The following PHKA1 variants were observed in gnomAD, a reference collection of about 807,000 sequenced individuals.
PHKA1 encodes phosphorylase kinase regulatory subunit alpha 1.
Under a neutral mutation model 110.2 loss-of-function variants are expected in PHKA1, and 60 were observed. The ratio of observed to expected loss-of-function variants is 0.54; its 90% CI spans 0.44 to 0.68. The LOEUF (loss-of-function observed/expected upper bound fraction) is 0.68, where lower values mean the gene tolerates loss of function less well. Among genes scored for constraint, PHKA1 ranks in the 30% least tolerant of loss-of-function variants. The probability of loss-of-function intolerance (pLI) is 0.00; values close to 1 mark genes in which losing one functional copy is unlikely to be tolerated. For missense variants in PHKA1, 801 were observed against 942.5 expected (o/e 0.85, Z 1.97); for synonymous variants, 316 against 333.6 (o/e 0.95, Z 0.58).
chrX:72,712,381 T>C, intron 2 of PHKA1: 1 of 195,421 alleles, frequency 5.1e-6, no homozygotes, highest in Non-Finnish European at 9.4e-6. Context: ...TTTACCCTCA[T>C]ACAAACACCA....
intron 8 of PHKA1, 114 bp from the exon 9 acceptor site, chrX:72,657,755 G>T (rs782768678): frequency 5.2e-6 from 3 of 575,143 alleles, no homozygotes; most frequent in Non-Finnish European, 8.5e-6. Context: ...ACCGATAAAG[G>T]CATAATGCTT....
Position 72,644,461 on chromosome X carries a change from T to A in PHKA1, c.1360A>T (p.Ile454Phe). 2 of 1,209,153 alleles carry A rather than the reference T, an allele frequency of 1.7e-6. No individual in the cohort carries two copies. Among genetic ancestry groups the A allele is most frequent in the Non-Finnish European group, 2.2e-6 (2 of 893,633 alleles). The stretch of plus-strand genomic sequence containing the variant: ...ACGTAAATTCCCTTGTCCTTCAAAA[T>A]GGTCTTGATTTCTTCTGTTTCAGCT... ...ILAETEEIKT[I>F]LKDKGIYVET... The change falls in exon 14 of 32, where the codon ATT becomes TTT. Residue 454 changes from isoleucine to phenylalanine, a missense_variant. Around this residue, in one of 2 missense-constraint regions of PHKA1, gnomAD observed 299 missense variants for 423.3 expected, o/e 0.71. Coordinates refer to ENST00000373542, the MANE Select transcript of PHKA1 (RefSeq NM_002637.4).
chrX:72,603,583 A>G (rs1043240048), intron 25 of PHKA1, among the ~76,000 whole-genome samples: 2 of 111,871 alleles, frequency 1.8e-5, no homozygotes, highest in African/African-American at 3.3e-5. Context: ...CAGATAAACT[A>G]AAATAATTAA....
At chrX:72,641,954 T>C (rs183280686) in intron 14 of PHKA1, among the ~76,000 whole-genome samples, 1 of 111,918 alleles carries the variant, frequency 8.9e-6, no homozygotes, top group African/African-American at 3.2e-5. Context: ...TGTACTGTGA[T>C]TATTTAGTTG....
At chrX:72,632,926 G>A (rs4545225) in intron 16 of PHKA1, among the ~76,000 whole-genome samples, 6,084 of 111,604 alleles carry the variant, frequency 0.055, 408 homozygotes, top group African/African-American at 0.19. Flanking sequence ...AGTTATTATT[G>A]CTATTGTTAT....
chrX:72,590,345 A>G (rs1219282946), intron 29 of PHKA1, among the ~76,000 whole-genome samples: 2 of 111,971 alleles, frequency 1.8e-5, no homozygotes, highest in African/African-American at 6.5e-5. Context: ...TATTTAATAA[A>G]TGGTGCTGGG....
intron 11 of PHKA1, 130 bp from the exon 12 acceptor site, chrX:72,652,781 A>G (rs1026366455): frequency 3.9e-6 from 2 of 514,649 alleles, no homozygotes; most frequent in Non-Finnish European, 6.9e-6. Flanking sequence ...AAAGTGAAGC[A>G]CTATCACTAT....
chrX:72,651,543 T>C (rs1187944902), intron 12 of PHKA1, among the ~76,000 whole-genome samples: 2 of 109,036 alleles, frequency 1.8e-5, no homozygotes, highest in Non-Finnish European at 3.8e-5. Context: ...TCTCAAAAAG[T>C]AAAATAAAAT....
chrX:72,704,752 G>A lies in PHKA1; in HGVS notation c.285+446C>T, dbSNP rs781904064. Reference sequence around the variant, plus strand: ...ACTACAGGAACACACAACCATGCGCGGCTAATTTTTATATTTTTTGTAGAG... The same window carrying A: ...ACTACAGGAACACACAACCATGCGCAGCTAATTTTTATATTTTTTGTAGAG... On this transcript the variant is annotated intron_variant, in intron 3 of 31. Transcript: ENST00000373542. Among the ~76,000 whole-genome samples, 4 of 111,097 alleles carry A rather than the reference G, an allele frequency of 3.6e-5. No individual in the cohort carries two copies. The East Asian group carries it at 8.5e-4, about 24-fold the overall frequency.
intron 8 of PHKA1, among the ~76,000 whole-genome samples, chrX:72,664,989 C>G (rs1412403973): frequency 1.8e-5 from 2 of 110,551 alleles, no homozygotes; most frequent in African/African-American, 6.6e-5. Flanking sequence ...AATAAACAAC[C>G]TAATGATGAA....
chrX:72,706,392 C>T (rs1373045044), intron 2 of PHKA1, among the ~76,000 whole-genome samples: 2 of 111,706 alleles, frequency 1.8e-5, no homozygotes, highest in East Asian at 5.6e-4. Context: ...GTAACCCCTA[C>T]AAGAAGACAT....
In PHKA1 at chrX:72,582,321, G is replaced by A. The variant is rs1412389194; in HGVS notation, c.3498+77C>T. ...AAGAGGGCACAAGAAAGTGACCGTG[G>A]CTCCTCAAAGACCTCTGAATGTCAT... On this transcript the variant is annotated intron_variant, in intron 31 of 31. Transcript: ENST00000373542. 5 of 702,416 alleles carry A rather than the reference G, an allele frequency of 7.1e-6. No homozygotes were observed. In the African/African-American group the frequency reaches 8.5e-5, roughly 12 times the overall value. The allele number at this position is 702,416 out of a possible 1,213,427, so 57.9% of individuals were successfully genotyped here.
intron 29 of PHKA1, among the ~76,000 whole-genome samples, chrX:72,588,048 C>A (rs1556217411): frequency 9.0e-6 from 1 of 111,478 alleles, no homozygotes; most frequent in East Asian, 2.8e-4. Flanking sequence ...ACAAGGATAT[C>A]CAGGACTTGA....
intron 13 of PHKA1, among the ~76,000 whole-genome samples, chrX:72,645,754 C>T (rs781916003): frequency 1.8e-5 from 2 of 112,078 alleles, no homozygotes; most frequent in African/African-American, 3.2e-5. Flanking sequence ...CCTCAAGGAG[C>T]TCACAGTGTA....
At chrX:72,693,566 T>C (rs984717085) in intron 4 of PHKA1, among the ~76,000 whole-genome samples, 18 of 111,588 alleles carry the variant, frequency 1.6e-4, no homozygotes, top group African/African-American at 5.5e-4. Flanking sequence ...ATGGTAGCCT[T>C]TGATCTTCTT....
intron 30 of PHKA1, among the ~76,000 whole-genome samples, chrX:72,583,379 C>T (rs1430049599): frequency 8.9e-6 from 1 of 111,882 alleles, no homozygotes; most frequent in Non-Finnish European, 1.9e-5. Flanking sequence ...TGTTTGAAGA[C>T]TCTTAAAGGT....
intron 4 of PHKA1, among the ~76,000 whole-genome samples, chrX:72,687,240 A>C (rs868986475): frequency 2.7e-5 from 3 of 111,683 alleles, no homozygotes; most frequent in Middle Eastern, 9.3e-3. Context: ...ATAAAATGGC[A>C]TATGTATGGT....
chrX:72,618,663 C>A (rs782646341), intron 21 of PHKA1, 47 bp downstream of exon 21: 1 of 1,037,273 alleles, frequency 9.6e-7, no homozygotes, highest in Non-Finnish European at 1.4e-6. Context: ...TGCTATAATT[C>A]CTCTGATTAT....
chrX:72,588,173 T>G (rs1476405425), intron 29 of PHKA1, among the ~76,000 whole-genome samples: 1 of 112,295 alleles, frequency 8.9e-6, no homozygotes, highest in Admixed American at 9.4e-5. Context: ...ATTGACCATA[T>G]AGTTGGAAGT....
Sources: gnomAD v4.1 joint callset for allele counts (sites outside exome capture counted in the v4.1 genomes callset) on GRCh38, gnomAD v4.1.1 for gene constraint, gnomAD v4.1.1 regional missense constraint, MANE v1.5 for transcripts, NCBI Gene and HGNC (gene_info 2026-07-23, HGNC 2026-07-21) for gene names.